The following GALNT13 variants were observed in gnomAD, a reference collection of about 807,000 sequenced individuals.
GALNT13 encodes the protein polypeptide N-acetylgalactosaminyltransferase 13.
GALNT13 carries 28 observed loss-of-function variants against 64.2 expected under a neutral mutation model. The observed-to-expected ratio is 0.44, with a 90% CI of 0.32 to 0.60. The LOEUF is 0.60. Ranked by LOEUF, GALNT13 falls within the 20% of genes least tolerant of loss-of-function variation. The pLI, the probability that GALNT13 is intolerant of heterozygous loss-of-function variation, is 0.05. For synonymous variants in GALNT13, 214 were observed against 224.6 expected (o/e 0.95, Z 0.42); for missense variants, 577 against 669.8 (o/e 0.86, Z 1.53).
chr2:153,454,520 G>A, the GALNT13 span, among the ~76,000 whole-genome samples: 14 of 152,086 alleles, frequency 9.2e-5, no homozygotes, highest in African/African-American at 3.4e-4. Flanking sequence ...AAAAACTGAA[G>A]TCATTATTTC....
At chr2:153,585,358 A>G in the GALNT13 span, among the ~76,000 whole-genome samples, 2 of 152,198 alleles carry the variant, frequency 1.3e-5, no homozygotes, top group East Asian at 3.9e-4. Flanking sequence ...CAGATCTTTT[A>G]AAATAATTCA....
intron 3 of GALNT13, among the ~76,000 whole-genome samples, chr2:154,136,482 G>T (rs1007999284): frequency 3.9e-5 from 6 of 151,942 alleles, no homozygotes; most frequent in Non-Finnish European, 7.4e-5. Flanking sequence ...GGGTAATTCT[G>T]CAAATAAGAA....
At chr2:154,323,400 C>T (rs1459889202) in intron 9 of GALNT13, among the ~76,000 whole-genome samples, 1 of 152,024 alleles carries the variant, frequency 6.6e-6, no homozygotes, top group African/African-American at 2.4e-5. Flanking sequence ...GTTTATTGCA[C>T]ATTAACATTT....
At chr2:154,100,961 G>T (rs1702317140) in intron 3 of GALNT13, among the ~76,000 whole-genome samples, 1 of 151,936 alleles carries the variant, frequency 6.6e-6, no homozygotes. Context: ...CTATTGAGGT[G>T]GTTGTATGGT....
the GALNT13 span, among the ~76,000 whole-genome samples, chr2:153,692,887 T>C: frequency 6.6e-6 from 1 of 152,144 alleles, no homozygotes; most frequent in African/African-American, 2.4e-5. Context: ...TGAAAACTCA[T>C]GGGGTTGCTA....
At chr2:153,630,762 CATATATATATATATATATATATATAT>C in the GALNT13 span, among the ~76,000 whole-genome samples, 1 of 32,140 alleles carries the variant, frequency 3.1e-5, no homozygotes, top group Non-Finnish European at 5.5e-5. Context: ...TTTTAGGCTT[CATATATATATATATATATATATATAT>C]ATATATATAT....
At chr2:153,270,749 G>A in the GALNT13 span, among the ~76,000 whole-genome samples, 3 of 152,156 alleles carry the variant, frequency 2.0e-5, no homozygotes, top group South Asian at 2.1e-4. Flanking sequence ...CTACTTGAGA[G>A]ACTGAGGTGG....
Position 153,944,650 on chromosome 2 carries a change from A to G in GALNT13, c.142+11A>G. Reference sequence around the variant, plus strand: ...TGCCTGCATTGAGGGGTAAGTGCTTATGAAGCAAATACTGTCTTTATAGAG... The same window carrying G: ...TGCCTGCATTGAGGGGTAAGTGCTTGTGAAGCAAATACTGTCTTTATAGAG... On this transcript the variant is annotated intron_variant, in intron 3 of 12. Transcript: ENST00000392825. 1 of 1,609,378 alleles carries G rather than the reference A, an allele frequency of 6.2e-7. No individual in the cohort carries two copies. Among genetic ancestry groups the G allele is most frequent in the Non-Finnish European group, 8.5e-7 (1 of 1,176,902 alleles).
chr2:153,895,090 T>C (rs777266013), intron 1 of GALNT13, among the ~76,000 whole-genome samples: 5 of 152,150 alleles, frequency 3.3e-5, no homozygotes, highest in African/African-American at 4.8e-5. Context: ...TGCAGGAATC[T>C]AAAGTGAATA....
intron 4 of GALNT13, among the ~76,000 whole-genome samples, chr2:154,226,629 TA>T (rs1688630354): frequency 6.6e-6 from 1 of 152,182 alleles, no homozygotes; most frequent in Non-Finnish European, 1.5e-5. Flanking sequence ...TACTATTTAA[TA>T]TTTTTTAAAT....
chr2:154,387,799 A>C (rs1698587273), intron 9 of GALNT13, among the ~76,000 whole-genome samples: 1 of 152,130 alleles, frequency 6.6e-6, no homozygotes, highest in Non-Finnish European at 1.5e-5. Flanking sequence ...ATAGAATACA[A>C]CACTCTCTTT....
At chr2:154,061,390 C>A (rs1449672612) in intron 3 of GALNT13, among the ~76,000 whole-genome samples, 1 of 152,112 alleles carries the variant, frequency 6.6e-6, no homozygotes, top group East Asian at 1.9e-4. Flanking sequence ...GTAGTTAGGC[C>A]TCAAAGATCT....
chr2:153,249,312 C>T, the GALNT13 span, among the ~76,000 whole-genome samples: 7 of 152,196 alleles, frequency 4.6e-5, no homozygotes, highest in East Asian at 7.7e-4. Flanking sequence ...AGGAATACAA[C>T]TTATAAGGGA....
the GALNT13 span, among the ~76,000 whole-genome samples, chr2:153,439,862 C>T: frequency 4.6e-5 from 7 of 152,184 alleles, no homozygotes; most frequent in African/African-American, 1.7e-4. Flanking sequence ...GTGAGATGAA[C>T]CCGGTACCTC....
the GALNT13 span, among the ~76,000 whole-genome samples, chr2:153,263,099 C>T: frequency 6.6e-6 from 1 of 152,126 alleles, no homozygotes; most frequent in East Asian, 1.9e-4. Context: ...TTAGCAAAGT[C>T]TCAGGGTACA....
the GALNT13 span, among the ~76,000 whole-genome samples, chr2:153,180,946 T>C: frequency 1.3e-5 from 2 of 151,330 alleles, no homozygotes; most frequent in African/African-American, 4.8e-5. Context: ...ATTTTGTTTA[T>C]CTTTTCAAAA....
intron 2 of GALNT13, among the ~76,000 whole-genome samples, chr2:153,932,828 A>G (rs1422723942): frequency 6.6e-6 from 1 of 151,628 alleles, no homozygotes; most frequent in African/African-American, 2.4e-5. Context: ...GGGTTTCACT[A>G]TATTGGTCAG....
the GALNT13 span, among the ~76,000 whole-genome samples, chr2:153,302,612 T>A: frequency 6.6e-6 from 1 of 152,116 alleles, no homozygotes; most frequent in Admixed American, 6.6e-5. Flanking sequence ...TAAGTTCATA[T>A]GCAGAAAAGT....
At chr2:153,755,105 T>A in the GALNT13 span, among the ~76,000 whole-genome samples, 10,395 of 152,234 alleles carry the variant, frequency 0.068, 732 homozygotes, top group African/African-American at 0.17. Context: ...CTGTTTTCTC[T>A]ACCTCTTCAG....
Sources: allele counts gnomAD v4.1 joint callset (sites outside exome capture counted in the v4.1 genomes callset), GRCh38; gene constraint gnomAD v4.1.1; transcripts MANE v1.5; gene names NCBI Gene and HGNC (gene_info 2026-07-23, HGNC 2026-07-21).